Variants in SLC2A14 observed in about 807,000 individuals in gnomAD.
SLC2A14 encodes the protein solute carrier family 2, facilitated glucose transporter member 14.
In SLC2A14, 13 loss-of-function variants were observed where a neutral mutation model predicts 43.0. That is an observed-to-expected ratio of 0.30 (90% CI 0.20 to 0.48). The LOEUF (loss-of-function observed/expected upper bound fraction) is 0.48, where lower values mean the gene tolerates loss of function less well. Among genes scored for constraint, SLC2A14 ranks in the 20% least tolerant of loss-of-function variants. The probability of loss-of-function intolerance (pLI) is 0.99; values close to 1 mark genes in which losing one functional copy is unlikely to be tolerated. For missense variants in SLC2A14, 428 were observed against 620.4 expected, an observed-to-expected ratio of 0.69 and a Z score of 3.29; for synonymous variants, 190 against 233.8, an observed-to-expected ratio of 0.81 and a Z score of 1.71.
At chr12:7,889,935 C>A (rs59996598) in intron 1 of SLC2A14, among the ~76,000 whole-genome samples, 28,931 of 151,852 alleles carry the variant, frequency 0.19, 3,067 homozygotes, top group Middle Eastern at 0.31. Context: ...CCCAGGTTGC[C>A]TTGGCATTCC....
rs1863258994 is a variant in SLC2A14 at position 7,814,453 on chromosome 12, C to G, written c.1357G>C (p.Glu453Gln). ...TCCTCAAAAGTCCTGCCACGGGTCT[C>G]AGGGACTTTGAAGAAGGTAAAGGCC... ...FLAFTFFKVPETRGRTFEDIT... is the reference protein window; with the variant it reads ...FLAFTFFKVPQTRGRTFEDIT... Residue 453 changes from glutamate (E) to glutamine (Q), a missense_variant, in exon 11 of 11, where the codon GAG (glutamate) becomes CAG (glutamine). Transcript: ENST00000431042. 1 of 1,613,462 alleles carries G rather than the reference C, an allele frequency of 6.2e-7. No individual in the cohort carries two copies. The highest frequency in any genetic ancestry group is 2.2e-5 in the East Asian group (1 of 44,874).
In SLC2A14 at chr12:7,872,792, G is replaced by A. The variant is rs1041984551; in HGVS notation, c.-58+15C>T. 1.1e-5 allele frequency: 11 copies of A among 985,484 alleles called. No individual in the cohort carries two copies. Among genetic ancestry groups the A allele is most frequent in the Non-Finnish European group, 1.3e-5 (11 of 830,048 alleles). The allele number at this position is 985,484 out of a possible 1,614,324, so 61.0% of individuals were successfully genotyped here. ...CCCGCACCCCCCGGCCGCAGGGACG[G>A]CGCGGCGCACCCACCTCCCAGACCC... On this transcript the variant is annotated intron_variant, in intron 1 of 10. Transcript: ENST00000431042.
chr12:7,889,715 T>A (rs1184727054), intron 1 of SLC2A14, among the ~76,000 whole-genome samples: 2 of 151,686 alleles, frequency 1.3e-5, no homozygotes, highest in African/African-American at 2.4e-5. Context: ...TTTGTATTTT[T>A]AGTAGAGACA....
rs1195646841 is a variant in SLC2A14, at chr12:7,816,082, ATTTTTTATT to A, written c.1276-1557_1276-1549del. Among the ~76,000 whole-genome samples the A allele has an allele frequency of 1.0e-3, 109 of 108,796 alleles. 22 individuals are homozygous for A. Among genetic ancestry groups the A allele is most frequent in the South Asian group, 5.1e-3 (17 of 3,358 alleles). The allele number at this position is 108,796 out of a possible 152,430, so 71.4% of individuals were successfully genotyped here. A position where few individuals can be genotyped will look rare whatever the true frequency, so the allele number is the denominator to read the frequency against. ...CACCCAGCTAATTTCTTGAATTTTT[ATTTTTTATT>A]TTTTTTATTTTTTTTATTTTTTTTG... On this transcript the variant is annotated intron_variant, in intron 10 of 10. Transcript: ENST00000431042.
intron 2 of SLC2A14, among the ~76,000 whole-genome samples, chr12:7,852,319 T>A (rs1310483789): frequency 1.3e-5 from 2 of 152,136 alleles, no homozygotes; most frequent in Non-Finnish European, 2.9e-5. Flanking sequence ...AAAAAAATTA[T>A]GTAGATTGAG....
rs753621437 is a variant in SLC2A14, at chr12:7,880,690, C to CAA, written c.132+10304_132+10305dup. Among the ~76,000 whole-genome samples the CAA allele has an allele frequency of 1.8e-3, 114 of 65,104 alleles. 2 individuals are homozygous for CAA. Among genetic ancestry groups the CAA allele is most frequent in the South Asian group, 4.9e-3 (11 of 2,258 alleles). The allele number at this position is 65,104 out of a possible 152,430, so 42.7% of individuals were successfully genotyped here. ...AAAAATACAAACATTAGCTGGGTCT[C>CAA]AAAAAAAAAAAAAAAAAAAAAAAAG... On this transcript the variant is annotated intron_variant, in intron 1 of 9. Transcript: ENST00000539924.
intron 2 of SLC2A14, among the ~76,000 whole-genome samples, chr12:7,842,402 T>C (rs1278314143): frequency 2.0e-5 from 3 of 152,332 alleles, no homozygotes; most frequent in African/African-American, 7.2e-5. Flanking sequence ...GGAGGGTGAT[T>C]GCAGGATCAC....
intron 2 of SLC2A14, among the ~76,000 whole-genome samples, chr12:7,837,744 C>T (rs1400252743): frequency 2.0e-5 from 3 of 150,124 alleles, no homozygotes; most frequent in East Asian, 2.0e-4. Context: ...TACACCACCA[C>T]GACTGGCTAA....
At chr12:7,878,616 T>C (rs906583381) in intron 1 of SLC2A14, among the ~76,000 whole-genome samples, 1 of 152,004 alleles carries the variant, frequency 6.6e-6, no homozygotes, top group Non-Finnish European at 1.5e-5. Context: ...TTTGTACTCT[T>C]GCTAACATTT....
At chr12:7,867,078 G>A (rs373088375) in intron 2 of SLC2A14, among the ~76,000 whole-genome samples, 2 of 151,788 alleles carry the variant, frequency 1.3e-5, no homozygotes, top group African/African-American at 4.8e-5. Flanking sequence ...AGGAGATTGA[G>A]ACCATCCTGG....
upstream of SLC2A14, chr12:7,873,247 G>A (rs1344144029): frequency 2.2e-5 from 22 of 985,366 alleles, no homozygotes; most frequent in Non-Finnish European, 2.5e-5. Context: ...TATTTTCAAA[G>A]ATACCCGAGC....
intron 2 of SLC2A14, among the ~76,000 whole-genome samples, chr12:7,842,409 T>A (rs2120868072): frequency 6.6e-6 from 1 of 152,324 alleles, no homozygotes; most frequent in South Asian, 2.1e-4. Context: ...GATTGCAGGA[T>A]CACAGACAAG....
rs1451403983 is a variant in SLC2A14 at position 7,879,339 on chromosome 12, A to AAC, written c.132+11656_132+11657insGT. Among the ~76,000 whole-genome samples the AAC allele has an allele frequency of 3.3e-4, 50 of 150,764 alleles. No individual in the cohort carries two copies. The East Asian group carries it at 8.0e-3, about 24-fold the overall frequency. ...AAAAAACAAACAACAACAAAAAAAA[A>AAC]CAAAAGTTGCACCCCAGCCTGGATG... On this transcript the variant is annotated intron_variant, in intron 1 of 9. Transcript: ENST00000539924.
At chr12:7,830,906 G>A (rs184772066) in intron 4 of SLC2A14, among the ~76,000 whole-genome samples, 1 of 151,888 alleles carries the variant, frequency 6.6e-6, no homozygotes, top group African/African-American at 2.4e-5. Flanking sequence ...GGCGGATCAC[G>A]TAAGGTCAGG....
Position 7,832,768 on chromosome 12 carries a change from G to A in SLC2A14, c.65C>T (p.Ser22Phe). The A allele has an allele frequency of 6.2e-7, 1 of 1,614,204 alleles. No homozygotes were observed. The highest frequency in any genetic ancestry group is 1.1e-5 in the South Asian group (1 of 91,084). ...CCCAGTGTTGTAGCCAAACTGGAAAGAGCCGATTGTAGCAACTGTGATGGC... is the reference window on the plus strand; with the variant it reads ...CCCAGTGTTGTAGCCAAACTGGAAAAAGCCGATTGTAGCAACTGTGATGGC... ...IFAITVATIG[S>F]FQFGYNTGVI... is the part of the protein sequence containing the mutation. The change falls in exon 3 of 11, where the codon TCT becomes TTT. Residue 22 changes from serine to phenylalanine, a missense_variant. Coordinates refer to ENST00000431042, the MANE Select transcript of SLC2A14 (RefSeq NM_001286234.2).
chr12:7,873,377 C>G, upstream of SLC2A14: 1 of 984,690 alleles, frequency 1.0e-6, no homozygotes, highest in Non-Finnish European at 1.2e-6. Flanking sequence ...CACGGTGGCT[C>G]ACACCTGTAA....
At chr12:7,881,178 G>T (rs1945563925) in intron 1 of SLC2A14, among the ~76,000 whole-genome samples, 1 of 152,116 alleles carries the variant, frequency 6.6e-6, no homozygotes, top group Non-Finnish European at 1.5e-5. Context: ...CCACTTTGGC[G>T]GCACGTGAGG....
intron 2 of SLC2A14, among the ~76,000 whole-genome samples, chr12:7,833,229 C>T (rs898718564): frequency 2.6e-5 from 4 of 152,168 alleles, no homozygotes; most frequent in Admixed American, 6.6e-5. Context: ...GCAGTCTGAT[C>T]TGTACCCCAG....
chr12:7,866,646 A>G (rs1944930404), intron 2 of SLC2A14, among the ~76,000 whole-genome samples: 1 of 152,122 alleles, frequency 6.6e-6, no homozygotes, highest in African/African-American at 2.4e-5. Flanking sequence ...GATTACAGGC[A>G]TAAGCTACTG....
Sources: allele counts gnomAD v4.1 joint callset (sites outside exome capture counted in the v4.1 genomes callset), GRCh38; gene constraint gnomAD v4.1.1; transcripts MANE v1.5; gene names NCBI Gene and HGNC (gene_info 2026-07-23, HGNC 2026-07-21).